Variants in ADGRL3 observed in about 807,000 individuals in gnomAD.
ADGRL3 encodes the protein adhesion G protein-coupled receptor L3.
ADGRL3 carries 62 observed loss-of-function variants against 153.5 expected under a neutral mutation model. The observed-to-expected ratio is 0.40, with a 90% CI of 0.33 to 0.50. The LOEUF (loss-of-function observed/expected upper bound fraction) is 0.50. ADGRL3 is among the 20% of genes least tolerant of loss of function. The pLI is 0.47. For synonymous variants in ADGRL3, 710 were observed against 672.5 expected (o/e 1.06, Z -0.86); for missense variants, 1,641 against 1,859.4 (o/e 0.88, Z 2.16).
intron 9 of ADGRL3, among the ~76,000 whole-genome samples, chr4:61,823,071 C>G (rs755106062): frequency 1.1e-4 from 16 of 152,150 alleles, no homozygotes; most frequent in South Asian, 2.1e-4. Flanking sequence ...TAGCTATGAT[C>G]AGGCTCAGTT....
intron 8 of ADGRL3, among the ~76,000 whole-genome samples, chr4:61,779,336 T>C (rs2097187792): frequency 6.6e-6 from 1 of 152,022 alleles, no homozygotes; most frequent in Admixed American, 6.6e-5. Context: ...CCCAGCAATC[T>C]ACTTGTAACA....
chr4:61,808,027 A>T (rs999770426), intron 8 of ADGRL3, among the ~76,000 whole-genome samples: 1 of 152,102 alleles, frequency 6.6e-6, no homozygotes, highest in Non-Finnish European at 1.5e-5. Flanking sequence ...TGTCCCCCAT[A>T]CACTGCCACA....
intron 8 of ADGRL3, among the ~76,000 whole-genome samples, chr4:61,736,588 G>A (rs1187978078): frequency 6.6e-6 from 1 of 152,204 alleles, no homozygotes; most frequent in African/African-American, 2.4e-5. Flanking sequence ...AACCTGGGAG[G>A]CGGAGGTTGC....
chr4:61,891,795 G>A (rs1345701054), intron 9 of ADGRL3, among the ~76,000 whole-genome samples: 2 of 152,034 alleles, frequency 1.3e-5, no homozygotes, highest in African/African-American at 4.8e-5. Context: ...TGTACAGGAA[G>A]GACAAGCATA....
intron 17 of ADGRL3, among the ~76,000 whole-genome samples, chr4:61,952,833 A>T (rs537428527): frequency 1.2e-4 from 19 of 152,214 alleles, no homozygotes; most frequent in Non-Finnish European, 2.6e-4. Flanking sequence ...ATATCATTTT[A>T]TGCTCAGTTC....
intron 8 of ADGRL3, among the ~76,000 whole-genome samples, chr4:61,767,764 G>A (rs1222128209): frequency 1.3e-5 from 2 of 152,152 alleles, no homozygotes; most frequent in Admixed American, 1.3e-4. Flanking sequence ...AAGTTCCTGG[G>A]GGAGGAGGTT....
intron 2 of ADGRL3, among the ~76,000 whole-genome samples, chr4:61,438,356 T>G (rs192093688): frequency 6.6e-6 from 1 of 151,336 alleles, no homozygotes; most frequent in Non-Finnish European, 1.5e-5. Flanking sequence ...TTTTATTTAT[T>G]TATTTTTTAT....
At chr4:61,775,883 T>TTTCA (rs2097142192) in intron 8 of ADGRL3, 2 of 324,286 alleles carry the variant, frequency 6.2e-6, no homozygotes, top group African/African-American at 4.5e-5. Context: ...CGAATCTTGT[T>TTTCA]TTTATTTATT....
intron 6 of ADGRL3, among the ~76,000 whole-genome samples, chr4:61,695,109 T>G (rs146511942): frequency 0.01 from 1,563 of 152,348 alleles, 29 homozygotes; most frequent in African/African-American, 0.035. Context: ...AAGCAACTCC[T>G]GTTAATGCTG....
intron 5 of ADGRL3, among the ~76,000 whole-genome samples, chr4:61,646,899 T>G (rs2094018565): frequency 1.3e-5 from 2 of 152,170 alleles, no homozygotes; most frequent in African/African-American, 2.4e-5. Context: ...TGCAGTTTGA[T>G]CTTAGACTGC....
chr4:61,451,810 G>T (rs986520652), intron 2 of ADGRL3, among the ~76,000 whole-genome samples: 1 of 152,072 alleles, frequency 6.6e-6, no homozygotes, highest in African/African-American at 2.4e-5. Flanking sequence ...TCAGCGGTAT[G>T]GCAGTCCTCC....
chr4:61,275,122 C>T (rs1391384120), intron 1 of ADGRL3, among the ~76,000 whole-genome samples: 4 of 152,146 alleles, frequency 2.6e-5, no homozygotes, highest in Non-Finnish European at 5.9e-5. Context: ...ATGGAGTCAA[C>T]CTGCTATACT....
At chr4:61,706,364 G>T (rs2095857799) in intron 6 of ADGRL3, among the ~76,000 whole-genome samples, 1 of 150,628 alleles carries the variant, frequency 6.6e-6, no homozygotes, top group Non-Finnish European at 1.5e-5. Flanking sequence ...AGAGGTTGCA[G>T]TGAGCCGAGA....
chr4:61,782,059 T>C (rs996894811), intron 8 of ADGRL3, among the ~76,000 whole-genome samples: 2 of 152,198 alleles, frequency 1.3e-5, no homozygotes, highest in African/African-American at 4.8e-5. Flanking sequence ...CAAAGCAATT[T>C]TTTATGATTA....
At chr4:61,203,364 C>G (rs1259067167) in intron 1 of ADGRL3, among the ~76,000 whole-genome samples, 1 of 152,196 alleles carries the variant, frequency 6.6e-6, no homozygotes, top group Non-Finnish European at 1.5e-5. Flanking sequence ...ACGGTGTAAG[C>G]ACTCCTGCCA....
At chr4:61,976,420 C>T (rs1462869479) in intron 17 of ADGRL3, among the ~76,000 whole-genome samples, 2 of 152,070 alleles carry the variant, frequency 1.3e-5, no homozygotes, top group Non-Finnish European at 2.9e-5. Flanking sequence ...ATTCAATGTC[C>T]ACTTGATATG....
chr4:61,405,393 G>C (rs1401429851), intron 2 of ADGRL3, among the ~76,000 whole-genome samples: 2 of 151,922 alleles, frequency 1.3e-5, no homozygotes, highest in Non-Finnish European at 2.9e-5. Context: ...CTGCATATGA[G>C]CTGTGTTTAT....
intron 5 of ADGRL3, 142 bp downstream of exon 5, chr4:61,587,582 C>T (rs2098951478): frequency 1.6e-6 from 1 of 616,640 alleles, no homozygotes; most frequent in African/African-American, 1.9e-5. Context: ...CTGACTATTC[C>T]TTGTATCACC....
rs1355347947 is a variant in ADGRL3 at position 61,646,015 on chromosome 4, T to C, written c.474-30811T>C. On this transcript the variant is annotated intron_variant, in intron 5 of 26. Coordinates refer to ENST00000683033, the MANE Select transcript of ADGRL3 (RefSeq NM_001387552.1). ...TATTCTTTTTTCTCTAAACTTCCCTTCTCGCTTCATTTCATTCATTTCATC... is the reference window on the plus strand; with the variant it reads ...TATTCTTTTTTCTCTAAACTTCCCTCCTCGCTTCATTTCATTCATTTCATC... Among the ~76,000 whole-genome samples, 9 of 152,190 alleles carry C rather than the reference T, an allele frequency of 5.9e-5. 1 individual carries two copies. In the East Asian group the frequency reaches 1.5e-3, roughly 26 times the overall value.
Sources: allele counts gnomAD v4.1 joint callset (sites outside exome capture counted in the v4.1 genomes callset), GRCh38; gene constraint gnomAD v4.1.1; transcripts MANE v1.5; gene names NCBI Gene and HGNC (gene_info 2026-07-23, HGNC 2026-07-21).